Variants in AGPAT2 observed in about 807,000 individuals in gnomAD.
The protein encoded by AGPAT2 is 1-acylglycerol-3-phosphate O-acyltransferase 2.
In AGPAT2, 18 loss-of-function variants were observed where a neutral mutation model predicts 26.1. That is an observed-to-expected ratio of 0.69 (90% confidence interval 0.48 to 1.02). The LOEUF (loss-of-function observed/expected upper bound fraction) is 1.02, where lower values mean the gene tolerates loss of function less well. AGPAT2 is among the 50% of genes least tolerant of loss of function. The pLI is 0.00. For synonymous variants in AGPAT2, 200 were observed against 174.2 expected, an observed-to-expected ratio of 1.15 and a Z score of -1.16; for missense variants, 415 against 394.9, an observed-to-expected ratio of 1.05 and a Z score of -0.43.
chr9:136,673,681 TC>T lies in AGPAT2; in HGVS notation c.*70del. 4 of 1,421,994 alleles carry T rather than the reference TC, an allele frequency of 2.8e-6. No homozygotes were observed. Among genetic ancestry groups the T allele is most frequent in the Non-Finnish European group, 3.7e-6 (4 of 1,066,852 alleles). The allele number at this position is 1,421,994 out of a possible 1,614,324, so 88.1% of individuals were successfully genotyped here. Reference sequence around the variant, plus strand: ...AGTGGTATTTGGAAGCCGGGAGGAGTCCCCTCTGCCCATCCTCCAGCCATCG... The same window carrying T: ...AGTGGTATTTGGAAGCCGGGAGGAGTCCCTCTGCCCATCCTCCAGCCATCG... On this transcript the variant is annotated 3_prime_UTR_variant, in exon 6 of 6. Transcript: ENST00000371696.
Position 136,677,109 on chromosome 9 carries a change from C to T in AGPAT2, c.344G>A (p.Cys115Tyr), listed in dbSNP as rs1846102166. 25 of 1,613,058 alleles carry T rather than the reference C, an allele frequency of 1.5e-5. No homozygotes were observed. The highest frequency in any genetic ancestry group is 1.9e-5 in the Non-Finnish European group (22 of 1,180,000). ...CAGCTCCCGCTTGGCGATCTGCACG[C>T]AGCGCTCCGGAAGGACCTCCATGAG... ...MGLMEVLPER[C>Y]VQIAKRELLF... The change falls in exon 3 of 6, where the codon TGC (cysteine) becomes TAC (tyrosine). Residue 115 changes from cysteine (C) to tyrosine (Y), a missense_variant. Coordinates refer to ENST00000371696, the MANE Select transcript of AGPAT2 (RefSeq NM_006412.4).
chr9:136,674,569 T>C lies in AGPAT2; in HGVS notation c.661+166A>G, dbSNP rs571219719. Among the ~76,000 whole-genome samples, 4 of 152,358 alleles carry C rather than the reference T, an allele frequency of 2.6e-5. No individual in the cohort carries two copies. In the South Asian group the frequency reaches 8.3e-4, roughly 32 times the overall value. ...CCCATCTCACAGGGCCATGAGGCCATGAAGCCCACAGCTGGGACTCCAGCC... is the reference window on the plus strand; with the variant it reads ...CCCATCTCACAGGGCCATGAGGCCACGAAGCCCACAGCTGGGACTCCAGCC... On this transcript the variant is annotated intron_variant, in intron 5 of 5. Coordinates refer to ENST00000371696, the MANE Select transcript of AGPAT2 (RefSeq NM_006412.4).
rs1564291388 is a variant in AGPAT2, at chr9:136,677,147, G to T, written c.317-11C>A. 6.2e-7 allele frequency: 1 copy of T among 1,612,540 alleles called. No individual in the cohort carries two copies. The highest frequency in any genetic ancestry group is 8.5e-7 in the Non-Finnish European group (1 of 1,179,770). ...GGACCTCCATGAGGCCTGGGAGACA[G>T]AGAGACAGAGACAGAGAGAGAGGGG... On this transcript the variant is annotated splice_polypyrimidine_tract_variant and intron_variant, in intron 2 of 5. Coordinates refer to ENST00000371696, the MANE Select transcript of AGPAT2 (RefSeq NM_006412.4).
Position 136,676,648 on chromosome 9 carries a change from G to T in AGPAT2, c.525C>A (p.Arg175=), listed in dbSNP as rs1321099073. The change falls in exon 4 of 6, where the codon CGC becomes CGA. Residue 175 remains arginine (R), a synonymous_variant. Coordinates refer to ENST00000371696, the MANE Select transcript of AGPAT2 (RefSeq NM_006412.4). ...LKVWIYPEGT[R]NDNGDLLPFK... is the part of the protein sequence containing the mutation. ...AAGGCAGCAGGTCCCCATTGTCGTT[G>T]CGAGTACCCTCGGGATAGATCCACA... The T allele has an allele frequency of 1.9e-6, 3 of 1,613,460 alleles. No individual in the cohort carries two copies. Among genetic ancestry groups the T allele is most frequent in the South Asian group, 2.2e-5 (2 of 91,078 alleles).
Position 136,687,292 on chromosome 9 carries a change from GCGGCTCAGCTGCACC to G in AGPAT2, c.51_65del (p.Val18_Arg22del). ...CGACCTTGGCGTAGAACTCGGCCGCGCGGCTCAGCTGCACCAGCAGCAGCAGCAACAGCAGCGCCG... is the reference window on the plus strand; with the variant it reads ...CGACCTTGGCGTAGAACTCGGCCGCGAGCAGCAGCAGCAACAGCAGCGCCG... On this transcript the variant is annotated inframe_deletion, in exon 1 of 6. Coordinates refer to ENST00000371696, the MANE Select transcript of AGPAT2 (RefSeq NM_006412.4). The G allele has an allele frequency of 6.3e-7, 1 of 1,583,652 alleles. No homozygotes were observed. Among genetic ancestry groups the G allele is most frequent in the Non-Finnish European group, 8.5e-7 (1 of 1,169,810 alleles).
At chr9:136,677,699 G>A in intron 1 of AGPAT2, 143 bp from the exon 2 acceptor site, 1 of 1,025,886 alleles carries the variant, frequency 9.7e-7, no homozygotes, top group Non-Finnish European at 1.5e-6. Flanking sequence ...ACAGGGGAGG[G>A]AGCCCCTGAA....
intron 1 of AGPAT2, among the ~76,000 whole-genome samples, chr9:136,681,241 C>T (rs1003878483): frequency 6.6e-6 from 1 of 152,216 alleles, no homozygotes; most frequent in Non-Finnish European, 1.5e-5. Flanking sequence ...CGCCCACCAC[C>T]GGCCCCTGGT....
chr9:136,679,526 G>A (rs1459713525), intron 1 of AGPAT2, among the ~76,000 whole-genome samples: 2 of 152,056 alleles, frequency 1.3e-5, no homozygotes, highest in African/African-American at 4.8e-5. Flanking sequence ...GGTAGCACCC[G>A]CACACTCAGG....
At chr9:136,682,512 G>A (rs1170806087) in intron 1 of AGPAT2, among the ~76,000 whole-genome samples, 1 of 151,170 alleles carries the variant, frequency 6.6e-6, no homozygotes, top group African/African-American at 2.5e-5. Flanking sequence ...TTGCCTCCCC[G>A]GGGAGCAGGG....
intron 1 of AGPAT2, among the ~76,000 whole-genome samples, chr9:136,686,695 C>G (rs895060156): frequency 3.9e-5 from 6 of 152,178 alleles, no homozygotes; most frequent in Non-Finnish European, 8.8e-5. Context: ...CATCACCGGG[C>G]GGACAGTCAG....
chr9:136,674,920 T>A, intron 4 of AGPAT2, 113 bp from the exon 5 acceptor site: 1 of 642,582 alleles, frequency 1.6e-6, no homozygotes, highest in Non-Finnish European at 2.4e-6. Context: ...CTGCCTTCGC[T>A]GCTGCCATGG....
At position 136,677,133 on chromosome 9, in the gene AGPAT2, AG is replaced by A; in HGVS notation, c.319del (p.Leu107SerfsTer44). ...NHQSILDMMG[L>X]MEVLPERCVQ... ...GCAGCGCTCCGGAAGGACCTCCATG[AG>A]GCCTGGGAGACAGAGAGACAGAGAC... On this transcript the variant is annotated frameshift_variant and splice_region_variant, in exon 3 of 6. Transcript: ENST00000371696. LOFTEE classifies it high-confidence loss of function. 6.2e-7 allele frequency: 1 copy of A among 1,612,830 alleles called. No homozygotes were observed. Among genetic ancestry groups the A allele is most frequent in the Non-Finnish European group, 8.5e-7 (1 of 1,179,920 alleles).
intron 1 of AGPAT2, among the ~76,000 whole-genome samples, chr9:136,685,425 G>A (rs1846209755): frequency 6.6e-6 from 1 of 152,230 alleles, no homozygotes; most frequent in Admixed American, 6.5e-5. Flanking sequence ...CTGTGATTTG[G>A]TCCCTGGAAA....
chr9:136,681,105 T>C (rs901824549), intron 1 of AGPAT2, among the ~76,000 whole-genome samples: 2 of 148,838 alleles, frequency 1.3e-5, no homozygotes, highest in Non-Finnish European at 3.0e-5. Flanking sequence ...ACTTTTCCTT[T>C]TTTTTTTTTT....
In AGPAT2 at chr9:136,674,195, GA is replaced by G. The variant is rs763586011; in HGVS notation, c.662-269del. On this transcript the variant is annotated intron_variant, in intron 5 of 5. Coordinates refer to ENST00000371696, the MANE Select transcript of AGPAT2 (RefSeq NM_006412.4). ...CTGCCCCCAGAAAGCCCCACTTCCT[GA>G]TCAGCCCCTACCTCACTGCCTGGCC... Among the ~76,000 whole-genome samples the G allele has an allele frequency of 3.9e-5, 6 of 152,316 alleles. No homozygotes were observed. In the East Asian group the frequency reaches 9.7e-4, roughly 25 times the overall value.
intron 1 of AGPAT2, among the ~76,000 whole-genome samples, chr9:136,684,395 G>A (rs1846196633): frequency 1.3e-5 from 2 of 152,310 alleles, no homozygotes; most frequent in African/African-American, 4.8e-5. Flanking sequence ...ACAGGGAAGG[G>A]CTCAGGGGAC....
chr9:136,678,175 T>G lies in AGPAT2; in HGVS notation c.183-619A>C, dbSNP rs540851124. Among the ~76,000 whole-genome samples the G allele has an allele frequency of 6.3e-3, 953 of 152,134 alleles. 14 individuals are homozygous for G. Among genetic ancestry groups the G allele is most frequent in the African/African-American group, 0.022 (924 of 41,476 alleles). Reference sequence around the variant, plus strand: ...TCCCCGTGAAGAGGCGGCGAGGGGCTCGGGGCTTGTCTGAGGTCACACCAG... The same window carrying G: ...TCCCCGTGAAGAGGCGGCGAGGGGCGCGGGGCTTGTCTGAGGTCACACCAG... On this transcript the variant is annotated intron_variant, in intron 1 of 5. Transcript: ENST00000371696.
intron 4 of AGPAT2, 110 bp from the exon 5 acceptor site, chr9:136,674,917 C>T (rs1262131472): frequency 1.4e-5 from 9 of 666,380 alleles, no homozygotes; most frequent in Middle Eastern, 8.6e-4. Flanking sequence ...CCCCTGCCTT[C>T]GCTGCTGCCA....
At chr9:136,684,387 A>C (rs1846196588) in intron 1 of AGPAT2, among the ~76,000 whole-genome samples, 1 of 152,142 alleles carries the variant, frequency 6.6e-6, no homozygotes, top group African/African-American at 2.4e-5. Flanking sequence ...CTGCGCACAC[A>C]GGGAAGGGCT....
Sources: gnomAD v4.1 joint callset for allele counts (sites outside exome capture counted in the v4.1 genomes callset) on GRCh38, gnomAD v4.1.1 for gene constraint, MANE v1.5 for transcripts, NCBI Gene and HGNC (gene_info 2026-07-23, HGNC 2026-07-21) for gene names.